Variants in TTC6 observed in about 807,000 individuals in gnomAD.
TTC6 encodes tetratricopeptide repeat domain 6.
Under a neutral mutation model 210.4 loss-of-function variants are expected in TTC6, and 172 were observed. The observed-to-expected ratio is 0.82, with a 90% confidence interval of 0.72 to 0.93. The LOEUF is 0.93. Among genes scored for constraint, TTC6 ranks in the 40% least tolerant of loss-of-function variants. The pLI, the probability that TTC6 is intolerant of heterozygous loss-of-function variation, is 0.00. For synonymous variants in TTC6, 804 were observed against 819.6 expected, an observed-to-expected ratio of 0.98 and a Z score of 0.32; for missense variants, 2,414 against 2,318.1, an observed-to-expected ratio of 1.04 and a Z score of -0.85.
intron 1 of TTC6, among the ~76,000 whole-genome samples, chr14:37,665,755 A>G (rs976040212): frequency 3.4e-4 from 51 of 150,598 alleles, no homozygotes; most frequent in African/African-American, 1.2e-3. Flanking sequence ...AGCAGGGCCA[A>G]GCTGAGCTTG....
intron 1 of TTC6, among the ~76,000 whole-genome samples, chr14:37,678,346 T>A (rs1252104684): frequency 1.3e-5 from 2 of 152,172 alleles, no homozygotes; most frequent in Non-Finnish European, 2.9e-5. Context: ...CAACCTTGTG[T>A]GAGCTCTGGG....
At chr14:37,631,931 T>C (rs2095670703) in intron 1 of TTC6, among the ~76,000 whole-genome samples, 1 of 152,208 alleles carries the variant, frequency 6.6e-6, no homozygotes, top group Non-Finnish European at 1.5e-5. Context: ...TTATGCTTCA[T>C]GAAGTTCTCG....
At chr14:37,825,775 GTTA>G (rs1236176335) in intron 27 of TTC6, among the ~76,000 whole-genome samples, 6 of 151,978 alleles carry the variant, frequency 3.9e-5, no homozygotes, top group Non-Finnish European at 4.4e-5. Flanking sequence ...ACATATTTAT[GTTA>G]TTATGTATAT....
chr14:37,768,206 T>G (rs1303877420), intron 14 of TTC6, among the ~76,000 whole-genome samples: 1 of 151,142 alleles, frequency 6.6e-6, no homozygotes, highest in Non-Finnish European at 1.5e-5. Flanking sequence ...TACTGTAGCC[T>G]TGTAGTATAG....
Position 37,807,299 on chromosome 14 carries a change from TC to T in TTC6, c.4315-20del. 9.2e-7 allele frequency: 1 copy of T among 1,087,582 alleles called. No individual in the cohort carries two copies. Among genetic ancestry groups the T allele is most frequent in the Non-Finnish European group, 1.2e-6 (1 of 825,452 alleles). 67.4% of individuals were successfully genotyped at this position (1,087,582 alleles called of 1,614,324 possible). A position where few individuals can be genotyped will look rare whatever the true frequency, so the allele number is the denominator to read the frequency against. ...TTTACTAAAGCATCCATTCCTGCTT[TC>T]TCTCTCTCTCTCTGAATAGGCATAT... On this transcript the variant is annotated intron_variant, in intron 22 of 30. Transcript: ENST00000553443.
At chr14:37,744,656 CT>C (rs1360995837) in intron 10 of TTC6, among the ~76,000 whole-genome samples, 1 of 152,078 alleles carries the variant, frequency 6.6e-6, no homozygotes, top group Non-Finnish European at 1.5e-5. Flanking sequence ...TGAAATTATT[CT>C]TAAGAGTGCC....
chr14:37,771,805 G>A (rs1231580393), intron 14 of TTC6, among the ~76,000 whole-genome samples: 7 of 152,144 alleles, frequency 4.6e-5, no homozygotes, highest in Non-Finnish European at 1.0e-4. Context: ...CTCTCAGCTC[G>A]TGAAAGTCAT....
At chr14:37,620,206 G>T (rs1053602679), upstream of TTC6, among the ~76,000 whole-genome samples, 102 of 152,034 alleles carry the variant, frequency 6.7e-4, 1 homozygote, top group Non-Finnish European at 1.9e-4. Context: ...ATTATTGGGG[G>T]ATATATACAT....
chr14:37,637,105 A>T (rs2095682365), intron 1 of TTC6, among the ~76,000 whole-genome samples: 2 of 152,148 alleles, frequency 1.3e-5, no homozygotes, highest in Admixed American at 1.3e-4. Flanking sequence ...ACAAACAAAC[A>T]AACCAAACCA....
chr14:37,808,716 T>A lies in TTC6; in HGVS notation c.4456-17T>A. The A allele has an allele frequency of 8.0e-7, 1 of 1,250,372 alleles. No homozygotes were observed. The highest frequency in any genetic ancestry group is 1.1e-6 in the Non-Finnish European group (1 of 902,404). The allele number at this position is 1,250,372 out of a possible 1,614,324, so 77.5% of individuals were successfully genotyped here. ...TTATGATTTTCCTTTCTCACATAAT[T>A]ACTTTTTTCTTTTTAGACTTATAAG... On this transcript the variant is annotated splice_polypyrimidine_tract_variant and intron_variant, in intron 23 of 30. Coordinates refer to ENST00000553443, the Ensembl canonical transcript of TTC6.
At chr14:37,606,050 G>A (rs1453265163) in intron 1 of TTC6, among the ~76,000 whole-genome samples, 1 of 152,122 alleles carries the variant, frequency 6.6e-6, no homozygotes, top group Admixed American at 6.6e-5. Flanking sequence ...AAGCTTAGAT[G>A]TTAGAACCCC....
rs17107134 is a variant in TTC6, at chr14:37,815,168, G to A, written c.4690-2410G>A. ...TCAGGCACCTCAAACTGCCATTCTCGATCTAAATGCCTCAAACTTAAATAT... is the reference window on the plus strand; with the variant it reads ...TCAGGCACCTCAAACTGCCATTCTCAATCTAAATGCCTCAAACTTAAATAT... On this transcript the variant is annotated intron_variant, in intron 25 of 30. Transcript: ENST00000553443. Among the ~76,000 whole-genome samples, 163 of 152,230 alleles carry A rather than the reference G, an allele frequency of 1.1e-3. 1 individual carries two copies. In the East Asian group the frequency reaches 0.029, roughly 27 times the overall value.
At chr14:37,736,148 G>A (rs1489839104) in intron 8 of TTC6, 138 bp downstream of exon 10, 1 of 566,988 alleles carries the variant, frequency 1.8e-6, no homozygotes, top group South Asian at 2.3e-5. Flanking sequence ...CATTTTGGGA[G>A]TCTGAGGTGG....
chr14:37,628,456 GT>G (rs1226555102), intron 1 of TTC6, among the ~76,000 whole-genome samples: 2 of 151,926 alleles, frequency 1.3e-5, no homozygotes, highest in South Asian at 2.1e-4. Context: ...TGATGGGGTT[GT>G]TTTTTTTCCT....
upstream of TTC6, among the ~76,000 whole-genome samples, chr14:37,621,709 G>T (rs1041719635): frequency 4.7e-4 from 72 of 151,880 alleles, no homozygotes; most frequent in African/African-American, 1.7e-3. Flanking sequence ...TGTAGCAGGG[G>T]TCCTGGGGAT....
At chr14:37,735,702 A>G (rs2095899762) in intron 7 of TTC6, among the ~76,000 whole-genome samples, 1 of 152,202 alleles carries the variant, frequency 6.6e-6, no homozygotes, top group South Asian at 2.1e-4. Flanking sequence ...ATTTTGCTAA[A>G]TGCCAACACT....
rs144848877 is a variant in TTC6 at position 37,736,848 on chromosome 14, G to A, written c.1909-812G>A. Among the ~76,000 whole-genome samples, 335 of 152,128 alleles carry A rather than the reference G, an allele frequency of 2.2e-3. 1 individual carries two copies. Among genetic ancestry groups the A allele is most frequent in the African/African-American group, 7.8e-3 (325 of 41,520 alleles). On this transcript the variant is annotated intron_variant, in intron 8 of 30. Transcript: ENST00000553443. The stretch of plus-strand genomic sequence containing the variant: ...TGGCTTACTGCAGCCTGGACCTCCC[G>A]GGCTCAAGTGATTCTCCCACCTCAG...
intron 1 of TTC6, among the ~76,000 whole-genome samples, chr14:37,679,414 G>A (rs2095777909): frequency 6.6e-6 from 1 of 152,210 alleles, no homozygotes; most frequent in East Asian, 1.9e-4. Context: ...CAACTGAGTA[G>A]AGAGTATATC....
At chr14:37,688,437 G>T (rs1256290619) in intron 3 of TTC6, among the ~76,000 whole-genome samples, 2 of 152,090 alleles carry the variant, frequency 1.3e-5, no homozygotes, top group Non-Finnish European at 2.9e-5. Context: ...AGGTCTTTGA[G>T]CAAACATAAG....
Sources: allele counts gnomAD v4.1 joint callset (sites outside exome capture counted in the v4.1 genomes callset), GRCh38; gene constraint gnomAD v4.1.1; transcripts MANE v1.5; gene names NCBI Gene and HGNC (gene_info 2026-07-23, HGNC 2026-07-21).